Variants in TMEM232 observed in about 807,000 individuals in gnomAD.
TMEM232 encodes the protein transmembrane protein 232.
A neutral mutation model predicts 78.8 loss-of-function variants in TMEM232; 80 were observed. The observed-to-expected ratio is 1.01, with a 90% confidence interval of 0.85 to 1.22. The LOEUF (loss-of-function observed/expected upper bound fraction) is 1.22. TMEM232 is among the 50% of genes most tolerant of loss of function. The pLI is 0.00. For synonymous variants in TMEM232, 297 were observed against 254.3 expected, an observed-to-expected ratio of 1.17 and a Z score of -1.60; for missense variants, 881 against 742.2, an observed-to-expected ratio of 1.19 and a Z score of -2.17.
At chr5:110,664,457 T>TA (rs1463963687) in intron 2 of TMEM232, among the ~76,000 whole-genome samples, 5 of 152,204 alleles carry the variant, frequency 3.3e-5, no homozygotes, top group African/African-American at 1.2e-4. Context: ...ACTGGAATGA[T>TA]ATCTGCCACA....
chr5:110,559,033 A>C (rs935065697), intron 11 of TMEM232, among the ~76,000 whole-genome samples: 1 of 152,180 alleles, frequency 6.6e-6, no homozygotes, highest in Non-Finnish European at 1.5e-5. Context: ...AGAGTATGCC[A>C]ACCTTCTCAA....
chr5:110,673,698 C>T (rs553526975), intron 1 of TMEM232, among the ~76,000 whole-genome samples: 1 of 152,204 alleles, frequency 6.6e-6, no homozygotes, highest in Admixed American at 6.5e-5. Flanking sequence ...CTGGGCTGAC[C>T]TGGATCATTG....
At chr5:110,688,682 C>T (rs1353629242) in intron 1 of TMEM232, among the ~76,000 whole-genome samples, 2 of 152,160 alleles carry the variant, frequency 1.3e-5, no homozygotes, top group African/African-American at 2.4e-5. Flanking sequence ...TTTGTTGATG[C>T]ATGAGCACTG....
chr5:110,567,411 T>C (rs1009673477), intron 11 of TMEM232, among the ~76,000 whole-genome samples: 1 of 151,878 alleles, frequency 6.6e-6, no homozygotes, highest in East Asian at 1.9e-4. Flanking sequence ...CTATATTTAT[T>C]GAGCACTTAT....
intron 10 of TMEM232, among the ~76,000 whole-genome samples, chr5:110,596,775 C>G (rs1270118708): frequency 6.6e-6 from 1 of 152,164 alleles, no homozygotes; most frequent in Non-Finnish European, 1.5e-5. Context: ...ACACGATTAT[C>G]TCAATAGATG....
chr5:110,667,197 A>G (rs761113316), intron 2 of TMEM232, 31 bp downstream of exon 2: 243 of 1,506,652 alleles, frequency 1.6e-4, no homozygotes, highest in Non-Finnish European at 2.0e-4. Context: ...TCTACAATAC[A>G]TATGGGTCCT....
intron 12 of TMEM232, among the ~76,000 whole-genome samples, chr5:110,509,684 A>T (rs918233224): frequency 3.3e-5 from 5 of 152,132 alleles, no homozygotes; most frequent in Non-Finnish European, 7.4e-5. Flanking sequence ...CAATTTACAA[A>T]AATGTTTTAT....
At chr5:110,481,925 G>C (rs1305140670) in intron 12 of TMEM232, among the ~76,000 whole-genome samples, 1 of 152,126 alleles carries the variant, frequency 6.6e-6, no homozygotes, top group Non-Finnish European at 1.5e-5. Flanking sequence ...CTGGCTCTTA[G>C]CGCACACTAG....
At chr5:110,707,101 G>A (rs1239994127) in intron 1 of TMEM232, among the ~76,000 whole-genome samples, 1 of 152,186 alleles carries the variant, frequency 6.6e-6, no homozygotes, top group Non-Finnish European at 1.5e-5. Context: ...TGGCAGAATA[G>A]AAGCCTACAC....
chr5:110,660,298 G>C (rs1789611571), intron 2 of TMEM232, among the ~76,000 whole-genome samples: 1 of 151,876 alleles, frequency 6.6e-6, no homozygotes, highest in Non-Finnish European at 1.5e-5. Context: ...GAGGAAAAAA[G>C]AATAAAAGTA....
chr5:110,609,994 T>A (rs556518530), intron 8 of TMEM232, among the ~76,000 whole-genome samples: 1 of 151,876 alleles, frequency 6.6e-6, no homozygotes, highest in African/African-American at 2.4e-5. Flanking sequence ...AGCCCAGGAA[T>A]AATAAACCAC....
intron 12 of TMEM232, among the ~76,000 whole-genome samples, chr5:110,432,223 G>T (rs915700624): frequency 7.9e-5 from 12 of 151,430 alleles, no homozygotes; most frequent in African/African-American, 2.9e-4. Context: ...ATTTTTAAAG[G>T]TAGCGAGCAA....
At chr5:110,691,684 T>C (rs554320965) in intron 1 of TMEM232, among the ~76,000 whole-genome samples, 1 of 152,200 alleles carries the variant, frequency 6.6e-6, no homozygotes, top group Non-Finnish European at 1.5e-5. Context: ...AAAGGCAAGA[T>C]ATAATAAGTC....
rs546847237 is a variant in TMEM232, at chr5:110,512,744, A to G, written c.1703+15844T>C. Among the ~76,000 whole-genome samples, 6 of 152,300 alleles carry G rather than the reference A, an allele frequency of 3.9e-5. No individual in the cohort carries two copies. In the South Asian group the frequency reaches 1.2e-3, roughly 32 times the overall value. ...TCCCCCTTTCTTTGAAAGAGCAAAG[A>G]GCACACAAAAAACAAAACACAAAAC... On this transcript the variant is annotated intron_variant, in intron 12 of 13. Coordinates refer to ENST00000455884, the MANE Select transcript of TMEM232 (RefSeq NM_001039763.4).
intron 2 of TMEM232, among the ~76,000 whole-genome samples, chr5:110,660,059 A>G (rs889878284): frequency 6.6e-6 from 1 of 152,144 alleles, no homozygotes; most frequent in Non-Finnish European, 1.5e-5. Flanking sequence ...AGATACATCC[A>G]TAGATTCAAA....
At chr5:110,571,817 A>C (rs901175812) in intron 10 of TMEM232, among the ~76,000 whole-genome samples, 7 of 151,980 alleles carry the variant, frequency 4.6e-5, no homozygotes, top group Non-Finnish European at 1.0e-4. Flanking sequence ...ATGGTTAAAA[A>C]AAAATAGATA....
intron 1 of TMEM232, among the ~76,000 whole-genome samples, chr5:110,681,011 TG>T (rs1021654748): frequency 7.9e-5 from 12 of 151,866 alleles, no homozygotes; most frequent in Admixed American, 7.2e-4. Context: ...AAATGGGGAT[TG>T]TTTCAAACTA....
chr5:110,494,664 T>C (rs1185770344), intron 12 of TMEM232, among the ~76,000 whole-genome samples: 1 of 152,078 alleles, frequency 6.6e-6, no homozygotes, highest in Non-Finnish European at 1.5e-5. Context: ...CATCACAACT[T>C]TGTTTCAATA....
At position 110,664,324 on chromosome 5, in the gene TMEM232, A is replaced by G. The variant is rs569673542; in HGVS notation, c.125+2904T>C. Among the ~76,000 whole-genome samples the G allele has an allele frequency of 3.3e-5, 5 of 152,354 alleles. No individual in the cohort carries two copies. The South Asian group carries it at 1.0e-3, about 32-fold the overall frequency. On this transcript the variant is annotated intron_variant, in intron 2 of 13. Transcript: ENST00000455884. ...ATATACATAATTACCAATATGGATT[A>G]AAGTTAAAATGTAGCATTGATTTTT...
Sources: allele counts gnomAD v4.1 joint callset (sites outside exome capture counted in the v4.1 genomes callset), GRCh38; gene constraint gnomAD v4.1.1; transcripts MANE v1.5; gene names NCBI Gene and HGNC (gene_info 2026-07-23, HGNC 2026-07-21).